PCDHGA3: variants seen among roughly 807,000 people sequenced by gnomAD.
PCDHGA3 encodes the protein protocadherin gamma subfamily A, 3, also known as protocadherin gamma-A3.
PCDHGA3 carries 40 observed loss-of-function variants against 58.5 expected under a neutral mutation model. The ratio of observed to expected loss-of-function variants is 0.68; its 90% CI spans 0.53 to 0.89. The LOEUF is 0.89. PCDHGA3 is among the 40% of genes least tolerant of loss of function. PCDHGA3 has a pLI of 0.00. For synonymous variants in PCDHGA3, 530 were observed against 525.7 expected, an observed-to-expected ratio of 1.01 and a Z score of -0.11; for missense variants, 1,223 against 1,195.9, an observed-to-expected ratio of 1.02 and a Z score of -0.33.
chr5:141,451,576 C>G (rs997933491), intron 1 of PCDHGA3, among the ~76,000 whole-genome samples: 10 of 152,164 alleles, frequency 6.6e-5, no homozygotes, highest in Middle Eastern at 3.4e-3. Context: ...TTTTTATAAA[C>G]CTAATTTTGA....
intron 1 of PCDHGA3, chr5:141,389,849 T>C (rs773205213): frequency 6.2e-7 from 1 of 1,614,066 alleles, no homozygotes; most frequent in South Asian, 1.1e-5. Context: ...TCTCGGCCAC[T>C]GCCACGTTGC....
At chr5:141,377,627 T>A (rs893549240) in intron 1 of PCDHGA3, 5 of 152,084 alleles carry the variant, frequency 3.3e-5, no homozygotes, top group African/African-American at 9.7e-5. Context: ...AAGATTTTGT[T>A]TTTTCTCAGT....
At chr5:141,388,941 C>A (rs191165529) in intron 1 of PCDHGA3, 1 of 1,613,962 alleles carries the variant, frequency 6.2e-7, no homozygotes, top group South Asian at 1.1e-5. Context: ...TCTACCCAAC[C>A]TAATTATGGA....
chr5:141,482,380 C>A (rs2099557573), intron 1 of PCDHGA3, among the ~76,000 whole-genome samples: 1 of 151,712 alleles, frequency 6.6e-6, no homozygotes, highest in Non-Finnish European at 1.5e-5. Context: ...ATATAAAGTC[C>A]CTGTATGGAG....
At chr5:141,374,378 A>ACCCCCC (rs1425489237) in intron 1 of PCDHGA3, 1 of 1,614,038 alleles carries the variant, frequency 6.2e-7, no homozygotes, top group Admixed American at 1.7e-5. Context: ...CTGTGCTCAG[A>ACCCCCC]GCCCGCGGTG....
intron 1 of PCDHGA3, among the ~76,000 whole-genome samples, chr5:141,438,793 C>T (rs982191766): frequency 2.7e-5 from 4 of 149,544 alleles, no homozygotes; most frequent in African/African-American, 7.4e-5. Context: ...TCTCCAGTAG[C>T]TGGGATTACA....
intron 1 of PCDHGA3, chr5:141,427,988 T>C (rs555561265): frequency 6.3e-7 from 1 of 1,598,504 alleles, no homozygotes; most frequent in South Asian, 1.1e-5. Context: ...TGGGGCCCGA[T>C]GGCTCCGCAC....
At chr5:141,464,916 T>C (rs1298310554) in intron 1 of PCDHGA3, among the ~76,000 whole-genome samples, 1 of 152,024 alleles carries the variant, frequency 6.6e-6, no homozygotes, top group Non-Finnish European at 1.5e-5. Flanking sequence ...TTTTTTTATT[T>C]TTTTGTAGAG....
intron 2 of PCDHGA3, among the ~76,000 whole-genome samples, chr5:141,504,211 A>G (rs2099836609): frequency 6.6e-6 from 1 of 152,218 alleles, no homozygotes. Flanking sequence ...GGAAAATTCC[A>G]AGTAGAGCTG....
intron 1 of PCDHGA3, chr5:141,403,427 G>T: frequency 6.2e-7 from 1 of 1,614,026 alleles, no homozygotes; most frequent in Non-Finnish European, 8.5e-7. Context: ...AGAAGCTATT[G>T]ATCCGGATGT....
chr5:141,488,939 T>C (rs1229571704), intron 1 of PCDHGA3, among the ~76,000 whole-genome samples: 1 of 152,114 alleles, frequency 6.6e-6, no homozygotes, highest in Non-Finnish European at 1.5e-5. Context: ...GGAAACTCCA[T>C]AATTGGTTGA....
At position 141,393,580 on chromosome 5, in the gene PCDHGA3, C is replaced by A. The variant is rs756625630; in HGVS notation, c.2424+47123C>A. 5.6e-6 allele frequency: 9 copies of A among 1,613,758 alleles called. No individual in the cohort carries two copies. In the South Asian group the frequency reaches 9.9e-5, roughly 18 times the overall value. ...CGAGTGAAAGTCCTTGAGAACATGC[C>A]CCCAGGCACGCGGCTGCTTACTGTA... is the stretch of plus-strand genomic sequence containing the variant. On this transcript the variant is annotated intron_variant, in intron 1 of 3. Transcript: ENST00000253812.
chr5:141,472,529 G>C lies in PCDHGA3; in HGVS notation c.2425-22278G>C, dbSNP rs553065027. 9.3e-5 allele frequency among the ~76,000 whole-genome samples: 14 copies of C among 151,058 alleles called. No individual in the cohort carries two copies. In the East Asian group the frequency reaches 2.6e-3, roughly 28 times the overall value. ...CACTCCAGCCTGGGTGACAGAGTGA[G>C]ACACCATCTCAAGAAAAAAAAAATT... On this transcript the variant is annotated intron_variant, in intron 1 of 3. Transcript: ENST00000253812.
chr5:141,466,223 T>C (rs1313406487), intron 1 of PCDHGA3, among the ~76,000 whole-genome samples: 1 of 152,096 alleles, frequency 6.6e-6, no homozygotes, highest in African/African-American at 2.4e-5. Context: ...CAGGCTGGAG[T>C]GCAGTGGCAC....
At chr5:141,379,947 T>C (rs546796076) in intron 1 of PCDHGA3, among the ~76,000 whole-genome samples, 40 of 134,556 alleles carry the variant, frequency 3.0e-4, no homozygotes, top group African/African-American at 9.9e-4. Context: ...TCTCCCAGGC[T>C]GGAATGCAGT....
intron 1 of PCDHGA3, chr5:141,366,746 G>A (rs750528287): frequency 1.9e-6 from 3 of 1,609,646 alleles, no homozygotes; most frequent in Non-Finnish European, 2.5e-6. Flanking sequence ...AGAACGGCGA[G>A]TTCAGGTTAG....
intron 1 of PCDHGA3, chr5:141,423,833 T>G: frequency 1.8e-5 from 23 of 1,262,362 alleles, no homozygotes; most frequent in East Asian, 7.3e-5. Flanking sequence ...TTCATGAGAT[T>G]ACGATAATCT....
intron 1 of PCDHGA3, among the ~76,000 whole-genome samples, chr5:141,494,199 G>A (rs1033914239): frequency 1.3e-5 from 2 of 152,160 alleles, no homozygotes; most frequent in South Asian, 2.1e-4. Context: ...TGGATGCCCC[G>A]CAAAGGCCCA....
chr5:141,384,094 G>C (rs1223052119), intron 1 of PCDHGA3: 4 of 1,596,266 alleles, frequency 2.5e-6, no homozygotes, highest in Non-Finnish European at 3.4e-6. Flanking sequence ...AAAATCAATA[G>C]ATAATTATTA....
Sources: gnomAD v4.1 joint callset for allele counts (sites outside exome capture counted in the v4.1 genomes callset) on GRCh38, gnomAD v4.1.1 for gene constraint, MANE v1.5 for transcripts, NCBI Gene and HGNC (gene_info 2026-07-23, HGNC 2026-07-21) for gene names.